INVS: variants seen among roughly 807,000 people sequenced by gnomAD.
The protein encoded by INVS is inversion of embryo turning homolog.
Under a neutral mutation model 108.8 loss-of-function variants are expected in INVS, and 86 were observed. That is an observed-to-expected ratio of 0.79 (90% CI 0.66 to 0.95). The LOEUF is 0.95. Ranked by LOEUF, INVS falls within the 40% of genes least tolerant of loss-of-function variation. The probability of loss-of-function intolerance (pLI) is 0.00; values close to 1 mark genes in which losing one functional copy is unlikely to be tolerated. For missense variants in INVS, 1,169 were observed against 1,297.4 expected, an observed-to-expected ratio of 0.90 and a Z score of 1.52; for synonymous variants, 455 against 473.5, an observed-to-expected ratio of 0.96 and a Z score of 0.51.
chr9:100,107,691 C>T (rs1431196044), intron 2 of INVS, among the ~76,000 whole-genome samples: 1 of 152,168 alleles, frequency 6.6e-6, no homozygotes, highest in Non-Finnish European at 1.5e-5. Context: ...GAAATCTGTT[C>T]ATTGTATTCC....
chr9:100,128,501 A>G (rs1416400956), intron 3 of INVS, among the ~76,000 whole-genome samples: 6 of 152,194 alleles, frequency 3.9e-5, no homozygotes, highest in African/African-American at 1.4e-4. Context: ...GTGTTAGTTC[A>G]TTTGTGCTTT....
At chr9:100,198,062 T>C (rs888614561) in intron 3 of INVS, among the ~76,000 whole-genome samples, 2 of 152,174 alleles carry the variant, frequency 1.3e-5, no homozygotes. Flanking sequence ...TCTATATCTA[T>C]ATCACTGTCA....
intron 4 of INVS, among the ~76,000 whole-genome samples, chr9:100,227,622 G>A (rs2118414164): frequency 6.6e-6 from 1 of 151,678 alleles, no homozygotes; most frequent in East Asian, 1.9e-4. Context: ...AGTTGTTTCT[G>A]TTTAAAACAA....
At chr9:100,237,319 A>C (rs989734235) in intron 5 of INVS, among the ~76,000 whole-genome samples, 2 of 152,156 alleles carry the variant, frequency 1.3e-5, no homozygotes, top group Admixed American at 1.3e-4. Flanking sequence ...CCCACTGAGC[A>C]AAACCACTTG....
chr9:100,127,299 T>C (rs894689096), intron 3 of INVS, among the ~76,000 whole-genome samples: 2 of 152,166 alleles, frequency 1.3e-5, no homozygotes, highest in Non-Finnish European at 2.9e-5. Context: ...CTGAATGTAT[T>C]TTCAACTTTT....
chr9:100,268,497 C>T (rs895047696), intron 11 of INVS, among the ~76,000 whole-genome samples: 8 of 152,108 alleles, frequency 5.3e-5, no homozygotes, highest in East Asian at 1.9e-4. Context: ...GCCTCATTTT[C>T]GTAGCCCTCA....
intron 13 of INVS, 112 bp from the exon 14 acceptor site, chr9:100,292,214 G>C (rs1169979991): frequency 3.1e-6 from 3 of 958,712 alleles, no homozygotes; most frequent in East Asian, 4.8e-5. Flanking sequence ...GTCTGTAACT[G>C]CCACTATTAT....
chr9:100,142,709 T>C (rs1099908), intron 3 of INVS, among the ~76,000 whole-genome samples: 70,060 of 151,958 alleles, frequency 0.46, 17,706 homozygotes, highest in East Asian at 0.9. Flanking sequence ...ATGAGAACTG[T>C]AGAGAGTCAG....
Position 100,246,731 on chromosome 9 carries a change from T to C in INVS, c.1022T>C (p.Met341Thr), listed in dbSNP as rs1397165748. 1.5e-5 allele frequency: 24 copies of C among 1,613,948 alleles called. No homozygotes were observed. The highest frequency in any genetic ancestry group is 1.9e-5 in the Non-Finnish European group (23 of 1,179,934). ...GGCAGTGATGATGTCCTTAGAACTA[T>C]GCTGAGCTTAAAATCGGACATAGAT... is the stretch of plus-strand genomic sequence containing the variant. The part of the protein sequence containing the change: ...GKGSDDVLRT[M>T]LSLKSDIDIN... The change falls in exon 8 of 17, where the codon ATG becomes ACG. Residue 341 changes from methionine to threonine, a missense_variant. This residue lies in a region of INVS where 271 missense variants were observed against 363.8 expected (regional missense o/e 0.74). Coordinates refer to ENST00000262457, the MANE Select transcript of INVS (RefSeq NM_014425.5).
At chr9:100,183,853 A>G (rs930958727) in intron 3 of INVS, among the ~76,000 whole-genome samples, 4 of 151,464 alleles carry the variant, frequency 2.6e-5, no homozygotes, top group African/African-American at 9.7e-5. Flanking sequence ...AAAGATAAAC[A>G]ATTATTTTTT....
intron 11 of INVS, among the ~76,000 whole-genome samples, chr9:100,268,168 G>C (rs370453167): frequency 6.6e-6 from 1 of 152,034 alleles, no homozygotes. Flanking sequence ...AGAGTAGGGC[G>C]TTCCCGAAAG....
At chr9:100,131,360 G>A (rs1190659625) in intron 3 of INVS, among the ~76,000 whole-genome samples, 1 of 152,116 alleles carries the variant, frequency 6.6e-6, no homozygotes, top group Non-Finnish European at 1.5e-5. Flanking sequence ...TTATTGAACT[G>A]TGCTGCTTGG....
In INVS at chr9:100,272,846, A is replaced by G. The variant is rs1207180660; in HGVS notation, c.1572-18A>G. On this transcript the variant is annotated intron_variant, in intron 11 of 16. Coordinates refer to ENST00000262457, the MANE Select transcript of INVS (RefSeq NM_014425.5). Reference sequence around the variant, plus strand: ...CATTCTAAAATTAAAAAAAAAAGAAATCTTCCTCCCACTTCAGATACACAC... The same window carrying G: ...CATTCTAAAATTAAAAAAAAAAGAAGTCTTCCTCCCACTTCAGATACACAC... 1.9e-6 allele frequency: 3 copies of G among 1,605,768 alleles called. No homozygotes were observed. Among genetic ancestry groups the G allele is most frequent in the East Asian group, 4.5e-5 (2 of 44,854 alleles).
intron 3 of INVS, among the ~76,000 whole-genome samples, chr9:100,139,794 A>C (rs1176678077): frequency 1.3e-5 from 2 of 152,072 alleles, no homozygotes; most frequent in Admixed American, 6.6e-5. Flanking sequence ...GGCACGTACC[A>C]CTACGCCCAG....
intron 8 of INVS, among the ~76,000 whole-genome samples, chr9:100,250,101 T>C (rs1832179649): frequency 6.6e-6 from 1 of 152,044 alleles, no homozygotes; most frequent in African/African-American, 2.4e-5. Flanking sequence ...TGAGACTCCA[T>C]CTCAAAAAAT....
intron 2 of INVS, 74 bp from the exon 3 acceptor site, chr9:100,126,309 A>G (rs1489990362): frequency 1.7e-6 from 2 of 1,186,600 alleles, no homozygotes; most frequent in African/African-American, 3.0e-5. Flanking sequence ...TTGATAATAA[A>G]CAGCGAATAT....
chr9:100,175,700 G>A (rs571169850), intron 3 of INVS: 31 of 627,432 alleles, frequency 4.9e-5, no homozygotes, highest in East Asian at 1.7e-4. Flanking sequence ...GATGCTTGGC[G>A]AACATGTCTG....
chr9:100,157,887 A>T (rs920300486), intron 3 of INVS, among the ~76,000 whole-genome samples: 1 of 152,134 alleles, frequency 6.6e-6, no homozygotes, highest in East Asian at 1.9e-4. Flanking sequence ...CTACAACAAA[A>T]TGCTACCTTT....
At chr9:100,158,540 A>G (rs762040923) in intron 3 of INVS, among the ~76,000 whole-genome samples, 14 of 152,174 alleles carry the variant, frequency 9.2e-5, no homozygotes, top group Non-Finnish European at 1.5e-4. Context: ...CCACATTCCT[A>G]TGAGAATGAA....
Sources: allele counts gnomAD v4.1 joint callset (sites outside exome capture counted in the v4.1 genomes callset), GRCh38; gene constraint gnomAD v4.1.1; regional missense constraint gnomAD v4.1.1; transcripts MANE v1.5; gene names NCBI Gene and HGNC (gene_info 2026-07-23, HGNC 2026-07-21).